The following MTSS1 variants were observed in gnomAD, a reference collection of about 807,000 sequenced individuals.
MTSS1 encodes the protein protein MTSS 1.
Under a neutral mutation model 79.0 loss-of-function variants are expected in MTSS1, and 18 were observed. That is an observed-to-expected ratio of 0.23 (90% confidence interval 0.16 to 0.34). The LOEUF is 0.34. MTSS1 is among the 10% of genes least tolerant of loss of function. The probability of loss-of-function intolerance (pLI) is 1.00; values close to 1 mark genes in which losing one functional copy is unlikely to be tolerated. For synonymous variants in MTSS1, 341 were observed against 368.6 expected (o/e 0.93, Z 0.86); for missense variants, 815 against 986.2 (o/e 0.83, Z 2.33).
chr8:124,579,441 C>CA (rs1829612957), intron 6 of MTSS1, among the ~76,000 whole-genome samples: 1 of 152,078 alleles, frequency 6.6e-6, no homozygotes, highest in East Asian at 1.9e-4. Context: ...TAGATAGTGG[C>CA]GATGGTTGCA....
chr8:124,717,098 C>A (rs1331805062), intron 1 of MTSS1, among the ~76,000 whole-genome samples: 1 of 152,036 alleles, frequency 6.6e-6, no homozygotes, highest in Admixed American at 6.6e-5. Context: ...TTCCCTTGCA[C>A]TGAACACTGC....
chr8:124,563,305 G>C (rs760774044), intron 9 of MTSS1: 1 of 367,198 alleles, frequency 2.7e-6, no homozygotes, highest in Non-Finnish European at 5.1e-6. Flanking sequence ...AACGTCAAGT[G>C]CGCCCAACTC....
intron 1 of MTSS1, among the ~76,000 whole-genome samples, chr8:124,710,201 C>A (rs1284981740): frequency 6.6e-6 from 1 of 152,158 alleles, no homozygotes; most frequent in Non-Finnish European, 1.5e-5. Flanking sequence ...AGGGCAAGAC[C>A]CAGGGTGGGG....
chr8:124,695,890 T>C (rs974023655), intron 3 of MTSS1, among the ~76,000 whole-genome samples: 8 of 151,536 alleles, frequency 5.3e-5, no homozygotes, highest in Admixed American at 3.9e-4. Flanking sequence ...CCTCCCAGCA[T>C]GTTTGTTTAT....
chr8:124,712,821 C>T (rs1311195534), intron 1 of MTSS1, among the ~76,000 whole-genome samples: 3 of 152,068 alleles, frequency 2.0e-5, no homozygotes, highest in Admixed American at 2.0e-4. Flanking sequence ...GGTGCTCCCT[C>T]TGTCCATCCG....
chr8:124,592,904 C>G (rs1446619924), intron 3 of MTSS1, among the ~76,000 whole-genome samples: 1 of 152,188 alleles, frequency 6.6e-6, no homozygotes. Flanking sequence ...TGTGATCCTC[C>G]AAAATGTCTC....
chr8:124,722,578 A>T (rs766077527), intron 1 of MTSS1, among the ~76,000 whole-genome samples: 2 of 152,230 alleles, frequency 1.3e-5, no homozygotes, highest in Non-Finnish European at 2.9e-5. Flanking sequence ...CTTAATGCTC[A>T]GCCAATTAAT....
At chr8:124,706,345 G>T (rs957302217) in intron 1 of MTSS1, among the ~76,000 whole-genome samples, 2 of 152,112 alleles carry the variant, frequency 1.3e-5, no homozygotes, top group Non-Finnish European at 2.9e-5. Flanking sequence ...CTTTATAAGG[G>T]TCATGTATCA....
chr8:124,622,060 A>AAGAGAGAGAGAG (rs55869660), intron 3 of MTSS1, among the ~76,000 whole-genome samples: 11 of 110,116 alleles, frequency 1.0e-4, no homozygotes, highest in African/African-American at 2.9e-4. Context: ...CAGAAAGAGA[A>AAGAGAGAGAGAG]AGAGAGAGAG....
chr8:124,671,316 ACCTGTCT>A (rs1287788466), intron 3 of MTSS1, among the ~76,000 whole-genome samples: 4 of 151,954 alleles, frequency 2.6e-5, no homozygotes, highest in Non-Finnish European at 2.9e-5. Context: ...CACTCCAGAG[ACCTGTCT>A]CCTCACAGTC....
chr8:124,612,084 T>C (rs1310901346), intron 3 of MTSS1, among the ~76,000 whole-genome samples: 1 of 152,218 alleles, frequency 6.6e-6, no homozygotes, highest in East Asian at 1.9e-4. Context: ...TAGCAAACTT[T>C]AAAGTTTCAG....
intron 11 of MTSS1, chr8:124,556,680 A>C: frequency 8.6e-6 from 4 of 464,250 alleles, no homozygotes; most frequent in Non-Finnish European, 1.2e-5. Flanking sequence ...CCCGGCAGCC[A>C]CCTAACAGGT....
chr8:124,555,793 T>C lies in MTSS1; in HGVS notation c.1516A>G (p.Ser506Gly), dbSNP rs1399312794. ...RDSLQCSSGYSTQTTTPCCSE... is the reference protein window; with the variant it reads ...RDSLQCSSGYGTQTTTPCCSE... ...CAGCAGGGGGTGGTTGTCTGGGTGCTGTAGCCGCTGGAGCACTGAAGCGAG... is the reference window on the plus strand; with the variant it reads ...CAGCAGGGGGTGGTTGTCTGGGTGCCGTAGCCGCTGGAGCACTGAAGCGAG... Residue 506 changes from serine (S) to glycine (G), a missense_variant, in exon 13 of 14, where the codon AGC (serine) becomes GGC (glycine). By Grantham distance (56) the Ser-to-Gly change is moderately conservative. This residue lies in a region of MTSS1 where 590 missense variants were observed against 620.8 expected (regional missense o/e 0.95). Transcript: ENST00000518547. 1 of 1,613,432 alleles carries C rather than the reference T, an allele frequency of 6.2e-7. No individual in the cohort carries two copies. The highest frequency in any genetic ancestry group is 1.7e-5 in the Admixed American group (1 of 59,968).
chr8:124,627,817 C>A (rs546904261), intron 3 of MTSS1, among the ~76,000 whole-genome samples: 22 of 152,318 alleles, frequency 1.4e-4, no homozygotes, highest in Non-Finnish European at 2.8e-4. Flanking sequence ...GTGTGAACTG[C>A]GCTTTAGAAA....
chr8:124,671,290 T>C (rs1824149582), intron 3 of MTSS1, among the ~76,000 whole-genome samples: 2 of 152,068 alleles, frequency 1.3e-5, no homozygotes, highest in Non-Finnish European at 2.9e-5. Context: ...CTCCCATTGC[T>C]TCTACCCCCG....
chr8:124,698,702 G>C (rs1346141826), intron 3 of MTSS1, among the ~76,000 whole-genome samples: 1 of 151,892 alleles, frequency 6.6e-6, no homozygotes, highest in Non-Finnish European at 1.5e-5. Flanking sequence ...AGTAGACATG[G>C]GGTTTCGCCA....
At chr8:124,614,885 T>C (rs1266578161) in intron 3 of MTSS1, among the ~76,000 whole-genome samples, 1 of 152,192 alleles carries the variant, frequency 6.6e-6, no homozygotes, top group Non-Finnish European at 1.5e-5. Context: ...GTCAATAAAA[T>C]AGTCCTTGCC....
intron 6 of MTSS1, among the ~76,000 whole-genome samples, chr8:124,572,008 G>C (rs1827901186): frequency 6.6e-6 from 1 of 152,024 alleles, no homozygotes; most frequent in Non-Finnish European, 1.5e-5. Context: ...AACAGCCTGT[G>C]ATTGTCAGAA....
chr8:124,655,872 TAA>T (rs1211707651), intron 3 of MTSS1, among the ~76,000 whole-genome samples: 1 of 152,046 alleles, frequency 6.6e-6, no homozygotes, highest in Non-Finnish European at 1.5e-5. Context: ...CATAGTAAAG[TAA>T]AGAGTGTGTT....
Sources: allele counts gnomAD v4.1 joint callset (sites outside exome capture counted in the v4.1 genomes callset), GRCh38; gene constraint gnomAD v4.1.1; regional missense constraint gnomAD v4.1.1; transcripts MANE v1.5; gene names NCBI Gene and HGNC (gene_info 2026-07-23, HGNC 2026-07-21).